Variants in WWOX observed in about 807,000 individuals in gnomAD.
WWOX encodes the protein WW domain-containing oxidoreductase.
WWOX carries 69 observed loss-of-function variants against 46.2 expected under a neutral mutation model. The ratio of observed to expected loss-of-function variants is 1.49; its 90% CI spans 1.23 to 1.82. The LOEUF (loss-of-function observed/expected upper bound fraction) is 1.82. WWOX is among the 40% of genes most tolerant of loss of function. WWOX has a pLI of 0.00. For missense variants in WWOX, 919 were observed against 542.6 expected (o/e 1.69, Z -6.89); for synonymous variants, 359 against 202.6 (o/e 1.77, Z -6.56).
At chr16:78,810,350 C>A (rs1371670363) in intron 8 of WWOX, among the ~76,000 whole-genome samples, 3 of 152,158 alleles carry the variant, frequency 2.0e-5, no homozygotes, top group Non-Finnish European at 2.9e-5. Flanking sequence ...ATATGATCAG[C>A]CGGTATATTT....
chr16:78,344,082 C>G (rs115403345), intron 5 of WWOX, among the ~76,000 whole-genome samples: 1 of 118,968 alleles, frequency 8.4e-6, no homozygotes, highest in East Asian at 1.9e-4. Context: ...CATTATTCTT[C>G]GTCACCACGG....
chr16:78,399,289 C>G (rs941417737), intron 6 of WWOX, among the ~76,000 whole-genome samples: 1 of 152,210 alleles, frequency 6.6e-6, no homozygotes, highest in Non-Finnish European at 1.5e-5. Flanking sequence ...GTTGATACCT[C>G]CTTGGGTGGC....
intron 8 of WWOX, among the ~76,000 whole-genome samples, chr16:79,122,772 G>C (rs1018062682): frequency 6.6e-6 from 1 of 152,158 alleles, no homozygotes; most frequent in Non-Finnish European, 1.5e-5. Flanking sequence ...CTCATTGTAG[G>C]AAAAAGGGCC....
At chr16:78,801,995 G>C (rs1597635266) in intron 8 of WWOX, among the ~76,000 whole-genome samples, 2 of 152,252 alleles carry the variant, frequency 1.3e-5, no homozygotes, top group Middle Eastern at 3.4e-3. Flanking sequence ...CCGAGATGAT[G>C]TGTGGAAAGG....
In WWOX at chr16:79,107,661, T is replaced by G. The variant is rs74034974; in HGVS notation, c.1057-103947T>G. 8.5e-3 allele frequency among the ~76,000 whole-genome samples: 1,295 copies of G among 152,356 alleles called. 21 individuals are homozygous for G. Among genetic ancestry groups the G allele is most frequent in the African/African-American group, 0.03 (1,228 of 41,580 alleles). ...CCCTCACCCTTCGTAATAGGCGACA[T>G]GCACATTTTCATGTCACATTTAAAA... On this transcript the variant is annotated intron_variant, in intron 8 of 8. Transcript: ENST00000566780.
intron 8 of WWOX, among the ~76,000 whole-genome samples, chr16:78,717,916 C>A (rs1487882373): frequency 6.6e-6 from 1 of 152,098 alleles, no homozygotes. Context: ...CATAGTGGAC[C>A]CAACACCAAG....
chr16:78,542,739 C>T (rs1485541238), intron 8 of WWOX, among the ~76,000 whole-genome samples: 1 of 152,216 alleles, frequency 6.6e-6, no homozygotes, highest in African/African-American at 2.4e-5. Flanking sequence ...AACCTTGAAT[C>T]ATAATTCAAT....
chr16:79,024,148 G>A (rs1733387872), intron 8 of WWOX, among the ~76,000 whole-genome samples: 2 of 152,098 alleles, frequency 1.3e-5, no homozygotes, highest in East Asian at 1.9e-4. Flanking sequence ...TTTCTTTTGG[G>A]GTTGGTTAAA....
intron 8 of WWOX, among the ~76,000 whole-genome samples, chr16:78,542,018 C>CAAAAAA (rs548366256): frequency 0.025 from 995 of 40,590 alleles, 223 homozygotes; most frequent in Middle Eastern, 0.038. Context: ...CAGAGTATAC[C>CAAAAAA]AAAAAAAAAA....
chr16:78,116,466 A>G (rs972701042), intron 4 of WWOX, among the ~76,000 whole-genome samples: 7 of 152,216 alleles, frequency 4.6e-5, no homozygotes, highest in Non-Finnish European at 1.0e-4. Context: ...ATGAAGGTAA[A>G]GAAGCAAATG....
intron 8 of WWOX, among the ~76,000 whole-genome samples, chr16:78,973,883 G>C (rs1038733905): frequency 6.6e-6 from 1 of 152,176 alleles, no homozygotes; most frequent in African/African-American, 2.4e-5. Flanking sequence ...TCTCCAACTA[G>C]GGAAAAATTT....
intron 8 of WWOX, among the ~76,000 whole-genome samples, chr16:78,965,379 G>T (rs1207449136): frequency 8.5e-5 from 13 of 152,160 alleles, no homozygotes; most frequent in Middle Eastern, 3.4e-3. Context: ...GACTAGCCTG[G>T]TCAACATGGT....
intron 8 of WWOX, among the ~76,000 whole-genome samples, chr16:78,924,024 C>G (rs2045441851): frequency 6.6e-6 from 1 of 151,820 alleles, no homozygotes; most frequent in African/African-American, 2.4e-5. Context: ...ACCGTGTTAG[C>G]CAAGGATGGT....
At chr16:78,351,659 T>C (rs546413423) in intron 5 of WWOX, among the ~76,000 whole-genome samples, 2 of 152,200 alleles carry the variant, frequency 1.3e-5, no homozygotes, top group African/African-American at 4.8e-5. Flanking sequence ...TATGCATGTG[T>C]TTTTTGTTAG....
chr16:78,125,950 T>G (rs8056930), intron 4 of WWOX, among the ~76,000 whole-genome samples: 1 of 151,824 alleles, frequency 6.6e-6, no homozygotes, highest in Non-Finnish European at 1.5e-5. Context: ...AAAATAAAAA[T>G]AAGAATAAAA....
At chr16:79,196,225 A>G (rs1005886446) in intron 8 of WWOX, 5 of 152,268 alleles carry the variant, frequency 3.3e-5, no homozygotes, top group African/African-American at 1.2e-4. Context: ...TTACACATGT[A>G]CATTGTATAT....
chr16:78,114,849 C>G (rs2032691448), intron 3 of WWOX, 127 bp from the exon 4 acceptor site: 4 of 1,205,222 alleles, frequency 3.3e-6, no homozygotes. Flanking sequence ...GGCCCCAGTT[C>G]TTTCAGGTTT....
At chr16:78,659,840 C>G (rs1352526178) in intron 8 of WWOX, among the ~76,000 whole-genome samples, 2 of 152,160 alleles carry the variant, frequency 1.3e-5, no homozygotes, top group Non-Finnish European at 2.9e-5. Flanking sequence ...CACAGCATGA[C>G]TCTCCTTACA....
intron 8 of WWOX, among the ~76,000 whole-genome samples, chr16:78,889,173 T>C (rs2044533179): frequency 6.6e-6 from 1 of 152,196 alleles, no homozygotes; most frequent in Non-Finnish European, 1.5e-5. Flanking sequence ...TGATAAGGAT[T>C]CGTACCAGGG....
Sources: gnomAD v4.1 joint callset for allele counts (sites outside exome capture counted in the v4.1 genomes callset) on GRCh38, gnomAD v4.1.1 for gene constraint, MANE v1.5 for transcripts, NCBI Gene and HGNC (gene_info 2026-07-23, HGNC 2026-07-21) for gene names.